Variants in EPHB1 observed in about 807,000 individuals in gnomAD.
EPHB1 encodes EPH receptor B1.
Under a neutral mutation model 94.4 loss-of-function variants are expected in EPHB1, and 30 were observed. The ratio of observed to expected loss-of-function variants is 0.32; its 90% CI spans 0.24 to 0.43. EPHB1 has a LOEUF of 0.43. Ranked by LOEUF, EPHB1 falls within the 20% of genes least tolerant of loss-of-function variation. The pLI is 1.00. For missense variants in EPHB1, 1,055 were observed against 1,308.3 expected, an observed-to-expected ratio of 0.81 and a Z score of 2.99; for synonymous variants, 522 against 489.1, an observed-to-expected ratio of 1.07 and a Z score of -0.89.
intron 1 of EPHB1, among the ~76,000 whole-genome samples, chr3:134,908,708 A>AAGGAGGGAGAAGGCGTG (rs1483711644): frequency 6.6e-6 from 1 of 152,086 alleles, no homozygotes; most frequent in Non-Finnish European, 1.5e-5. Context: ...AGTGGGAAAC[A>AAGGAGGGAGAAGGCGTG]AGGAGGGAGA....
intron 3 of EPHB1, among the ~76,000 whole-genome samples, chr3:135,103,167 TAATA>T (rs1344952045): frequency 6.6e-6 from 1 of 152,166 alleles, no homozygotes. Context: ...AAAAAATCTT[TAATA>T]AATGAATTTA....
At chr3:135,030,152 C>G (rs1354513570) in intron 3 of EPHB1, among the ~76,000 whole-genome samples, 1 of 151,874 alleles carries the variant, frequency 6.6e-6, no homozygotes, top group African/African-American at 2.4e-5. Context: ...TTTTCAACTT[C>G]TTTGCCTTTG....
At chr3:135,207,638 G>A (rs575054631) in intron 12 of EPHB1, among the ~76,000 whole-genome samples, 2 of 152,234 alleles carry the variant, frequency 1.3e-5, no homozygotes, top group Non-Finnish European at 2.9e-5. Flanking sequence ...AGGGCTTGCA[G>A]AGGAAGAGAT....
intron 5 of EPHB1, among the ~76,000 whole-genome samples, chr3:135,133,809 C>A (rs73862023): frequency 0.041 from 6,203 of 152,240 alleles, 423 homozygotes; most frequent in African/African-American, 0.14. Flanking sequence ...ACAGCTCTTG[C>A]AAGAATCTGT....
At chr3:135,024,813 C>T (rs531105489) in intron 3 of EPHB1, among the ~76,000 whole-genome samples, 95 of 152,254 alleles carry the variant, frequency 6.2e-4, no homozygotes, top group Non-Finnish European at 1.1e-3. Flanking sequence ...GAATTATATG[C>T]TTAATGTGCT....
chr3:135,212,561 A>C (rs1943055251), intron 12 of EPHB1, among the ~76,000 whole-genome samples: 4 of 152,208 alleles, frequency 2.6e-5, no homozygotes, highest in Admixed American at 1.3e-4. Context: ...TTCGGGGGTC[A>C]GCTAGAAAAT....
chr3:135,167,092 G>T, intron 9 of EPHB1, 86 bp downstream of exon 9: 1 of 1,500,122 alleles, frequency 6.7e-7, no homozygotes, highest in South Asian at 1.2e-5. Flanking sequence ...TTTATAGCCA[G>T]ACTGGCTGGT....
intron 7 of EPHB1, among the ~76,000 whole-genome samples, chr3:135,164,214 G>T (rs1941586957): frequency 6.6e-6 from 1 of 152,132 alleles, no homozygotes; most frequent in Non-Finnish European, 1.5e-5. Flanking sequence ...TCTCAGCTGA[G>T]GGCAACTGAA....
At chr3:134,930,005 A>G (rs1048399929) in intron 2 of EPHB1, among the ~76,000 whole-genome samples, 5 of 152,066 alleles carry the variant, frequency 3.3e-5, no homozygotes, top group Admixed American at 2.6e-4. Context: ...TAAGGCAGAG[A>G]TTGTTCTGGA....
intron 3 of EPHB1, among the ~76,000 whole-genome samples, chr3:135,029,718 C>T (rs1036487267): frequency 1.3e-5 from 2 of 151,068 alleles, no homozygotes; most frequent in Non-Finnish European, 3.0e-5. Flanking sequence ...TTGCTCTTCT[C>T]GAGGAGTATC....
chr3:135,097,360 T>C (rs1177239260), intron 3 of EPHB1, among the ~76,000 whole-genome samples: 2 of 152,054 alleles, frequency 1.3e-5, no homozygotes, highest in African/African-American at 2.4e-5. Context: ...GAGAAACCGA[T>C]GCCTAGCACA....
intron 10 of EPHB1, among the ~76,000 whole-genome samples, chr3:135,181,011 A>T (rs1942138599): frequency 6.6e-6 from 1 of 152,170 alleles, no homozygotes; most frequent in Admixed American, 6.6e-5. Flanking sequence ...ATTTTAACTC[A>T]ATAAAATATG....
At chr3:135,101,460 G>A (rs1939033338) in intron 3 of EPHB1, among the ~76,000 whole-genome samples, 1 of 151,772 alleles carries the variant, frequency 6.6e-6, no homozygotes, top group African/African-American at 2.4e-5. Flanking sequence ...TGCAACCTCT[G>A]CGTCCTGGGT....
chr3:134,937,726 C>T (rs2107707954), intron 2 of EPHB1, among the ~76,000 whole-genome samples: 1 of 152,316 alleles, frequency 6.6e-6, no homozygotes, highest in Non-Finnish European at 1.5e-5. Context: ...TTAGCAGTAT[C>T]AAGCAGCTGG....
intron 12 of EPHB1, among the ~76,000 whole-genome samples, chr3:135,217,464 A>ACG (rs1233229127): frequency 2.1e-5 from 3 of 142,294 alleles, no homozygotes; most frequent in Non-Finnish European, 4.5e-5. Context: ...ACACACACAC[A>ACG]CACGCACACG....
At chr3:135,178,899 C>T (rs935785062) in intron 9 of EPHB1, among the ~76,000 whole-genome samples, 1 of 152,154 alleles carries the variant, frequency 6.6e-6, no homozygotes, top group Non-Finnish European at 1.5e-5. Context: ...CCTTCGAAGC[C>T]CCAGCCTTTC....
chr3:135,232,194 A>C (rs9871429), intron 12 of EPHB1, among the ~76,000 whole-genome samples: 67,772 of 152,074 alleles, frequency 0.45, 16,069 homozygotes, highest in Middle Eastern at 0.62. Flanking sequence ...ATATCACTTT[A>C]CTCATTAGAT....
chr3:134,900,955 T>G (rs1299491632), intron 1 of EPHB1, among the ~76,000 whole-genome samples: 1 of 152,160 alleles, frequency 6.6e-6, no homozygotes, highest in Non-Finnish European at 1.5e-5. Context: ...AATTGTTAGT[T>G]GCAAATGTGG....
intron 14 of EPHB1, 121 bp from the exon 15 acceptor site, chr3:135,249,215 C>A: frequency 8.6e-7 from 1 of 1,164,812 alleles, no homozygotes; most frequent in Non-Finnish European, 1.2e-6. Flanking sequence ...CCCAGGGCTC[C>A]ACTATAATCC....
Sources: allele counts gnomAD v4.1 joint callset (sites outside exome capture counted in the v4.1 genomes callset), GRCh38; gene constraint gnomAD v4.1.1; transcripts MANE v1.5; gene names NCBI Gene and HGNC (gene_info 2026-07-23, HGNC 2026-07-21).